HVCN1: variants seen among roughly 807,000 people sequenced by gnomAD.
HVCN1 encodes the protein voltage-gated hydrogen channel 1.
In HVCN1, 14 loss-of-function variants were observed where a neutral mutation model predicts 29.2. The ratio of observed to expected loss-of-function variants is 0.48; its 90% CI spans 0.32 to 0.75. The LOEUF is 0.75. Among genes scored for constraint, HVCN1 ranks in the 30% least tolerant of loss-of-function variants. The pLI is 0.04. For synonymous variants in HVCN1, 131 were observed against 133.2 expected, an observed-to-expected ratio of 0.98 and a Z score of 0.11; for missense variants, 263 against 341.8, an observed-to-expected ratio of 0.77 and a Z score of 1.82.
chr12:110,683,753 A>G (rs1258737197), intron 2 of HVCN1, among the ~76,000 whole-genome samples: 1 of 152,084 alleles, frequency 6.6e-6, no homozygotes, highest in Non-Finnish European at 1.5e-5. Flanking sequence ...TCTACTAAAA[A>G]TACAAAAATT....
At chr12:110,693,387 A>G (rs142080176), upstream of HVCN1, among the ~76,000 whole-genome samples, 1,606 of 152,154 alleles carry the variant, frequency 0.011, 15 homozygotes, top group Non-Finnish European at 0.018. Context: ...CTACTAAAAA[A>G]TACAAAATTA....
At chr12:110,652,874 GGGAAAAATGCCCCT>G (rs1316124571) in intron 5 of HVCN1, among the ~76,000 whole-genome samples, 7 of 152,286 alleles carry the variant, frequency 4.6e-5, no homozygotes, top group South Asian at 2.1e-4. Context: ...CCACTGCAAC[GGGAAAAATGCCCCT>G]GGCCAGTGGA....
intron 5 of HVCN1, among the ~76,000 whole-genome samples, chr12:110,651,826 T>C (rs1339964592): frequency 6.6e-6 from 1 of 152,214 alleles, no homozygotes; most frequent in African/African-American, 2.4e-5. Context: ...TAGAAGTTAC[T>C]CTTGAAATGA....
At chr12:110,664,770 C>A (rs1407414550) in intron 3 of HVCN1, among the ~76,000 whole-genome samples, 1 of 152,026 alleles carries the variant, frequency 6.6e-6, no homozygotes, top group Non-Finnish European at 1.5e-5. Context: ...AGGAGGAGAC[C>A]CCAAAATATG....
intron 3 of HVCN1, among the ~76,000 whole-genome samples, chr12:110,668,172 C>T (rs1239444026): frequency 6.6e-6 from 1 of 152,092 alleles, no homozygotes; most frequent in African/African-American, 2.4e-5. Context: ...AGAGCAGCCC[C>T]CAGCTCTGGA....
chr12:110,663,763 C>T (rs1480497404), intron 3 of HVCN1, among the ~76,000 whole-genome samples: 5 of 152,108 alleles, frequency 3.3e-5, no homozygotes, highest in Non-Finnish European at 7.4e-5. Flanking sequence ...CACTCGGCAG[C>T]ACTGAATACA....
rs545310362 is a variant in HVCN1, at chr12:110,658,807, C to T, written c.306+2357G>A. 1.2e-4 allele frequency among the ~76,000 whole-genome samples: 19 copies of T among 152,376 alleles called. No individual in the cohort carries two copies. Among genetic ancestry groups the T allele is most frequent in the African/African-American group, 4.1e-4 (17 of 41,586 alleles). ...TGTCTGCCACATTTGTCACTGTACA[C>T]AGCAGGTGCTCAATAAGTGACTGTT... On this transcript the variant is annotated intron_variant, in intron 4 of 7. Coordinates refer to ENST00000242607, the MANE Select transcript of HVCN1 (RefSeq NM_032369.4). This position sits in a 1 kb window ranked among gnomAD's most constrained non-coding sequence, Gnocchi z 5.0.
At chr12:110,654,899 C>T (rs1437080917) in intron 5 of HVCN1, among the ~76,000 whole-genome samples, 1 of 152,074 alleles carries the variant, frequency 6.6e-6, no homozygotes. Context: ...AACAGCAGAT[C>T]CCCTGATGGC....
chr12:110,703,336 C>A (rs1239439303), intron 1 of HVCN1, among the ~76,000 whole-genome samples: 1 of 151,344 alleles, frequency 6.6e-6, no homozygotes, highest in Admixed American at 6.6e-5. Flanking sequence ...CTGCAATGAG[C>A]TGTGATCCCA....
intron 4 of HVCN1, among the ~76,000 whole-genome samples, chr12:110,656,234 G>A (rs996545193): frequency 6.6e-6 from 1 of 152,204 alleles, no homozygotes; most frequent in Non-Finnish European, 1.5e-5. Context: ...CTCATAGTGG[G>A]TGAAGATGGT....
intron 3 of HVCN1, among the ~76,000 whole-genome samples, chr12:110,663,372 G>A (rs1566039284): frequency 6.6e-6 from 1 of 152,030 alleles, no homozygotes. Context: ...GGAGGCTGAG[G>A]TGGGAGGATT....
intron 3 of HVCN1, among the ~76,000 whole-genome samples, chr12:110,675,796 C>A (rs1333713576): frequency 4.6e-5 from 7 of 151,986 alleles, no homozygotes; most frequent in African/African-American, 1.5e-4. Context: ...ATAATCCCAG[C>A]TACTTGGGAG....
At chr12:110,650,408 T>C in intron 6 of HVCN1, 128 bp from the exon 7 acceptor site, 2 of 613,888 alleles carry the variant, frequency 3.3e-6, no homozygotes, top group East Asian at 3.0e-5. Context: ...GTCATCACTT[T>C]AGGGCATCAG....
At chr12:110,659,985 C>G (rs1011285525) in intron 4 of HVCN1, among the ~76,000 whole-genome samples, 1 of 149,312 alleles carries the variant, frequency 6.7e-6, no homozygotes, top group African/African-American at 2.5e-5. Context: ...ATAGCTTGAA[C>G]CCAGGAAGCA....
chr12:110,689,066 GCCCGAGCACTTACCCGGCGCCCCA>G lies in HVCN1; in HGVS notation c.-114_-104+13del, dbSNP rs1362229311. On this transcript the variant is annotated splice_donor_variant and splice_donor_5th_base_variant and 5_prime_UTR_variant and intron_variant, in exon 1 of 8. Transcript: ENST00000242607. LOFTEE classifies it low-confidence loss of function (5UTR_SPLICE). The surrounding 1 kb of genome is among the most constrained non-coding windows in gnomAD (Gnocchi z 5.7). ...CCAAACGGGGTACGCCCCCCGCCCG[GCCCGAGCACTTACCCGGCGCCCCA>G]CCCGCCCGCGGTCACCGCTGCGACT... 6.6e-6 allele frequency: 1 copy of G among 152,420 alleles called. No individual in the cohort carries two copies. Among genetic ancestry groups the G allele is most frequent in the Admixed American group, 6.6e-5 (1 of 15,260 alleles). The allele number at this position is 152,420 out of a possible 1,614,324, so 9.4% of individuals were successfully genotyped here. A position where few individuals can be genotyped will look rare whatever the true frequency, so the allele number is the denominator to read the frequency against.
intron 3 of HVCN1, among the ~76,000 whole-genome samples, chr12:110,678,811 T>C (rs1269080332): frequency 6.6e-6 from 1 of 152,144 alleles, no homozygotes; most frequent in Non-Finnish European, 1.5e-5. Context: ...GACTCACCAA[T>C]GCGTTGAGTT....
chr12:110,661,503 A>T lies in HVCN1; in HGVS notation c.22-55T>A. ...TCAGGCAGTTGGCCACTCAGAGCCC[A>T]CATGGCCCAGGCCGGGCCAGGCCAC... is the stretch of plus-strand genomic sequence containing the variant. On this transcript the variant is annotated intron_variant, in intron 3 of 7. Coordinates refer to ENST00000242607, the MANE Select transcript of HVCN1 (RefSeq NM_032369.4). The surrounding 1 kb of genome is among the most constrained non-coding windows in gnomAD (Gnocchi z 6.2). 2 of 1,575,392 alleles carry T rather than the reference A, an allele frequency of 1.3e-6. No individual in the cohort carries two copies. The highest frequency in any genetic ancestry group is 1.7e-6 in the Non-Finnish European group (2 of 1,155,586).
intron 3 of HVCN1, among the ~76,000 whole-genome samples, chr12:110,677,600 G>A (rs1008076061): frequency 2.1e-4 from 32 of 152,154 alleles, no homozygotes; most frequent in African/African-American, 7.7e-4. Flanking sequence ...TCTTCTCTGT[G>A]GGGAGGCAAG....
At chr12:110,672,705 G>A (rs891365731) in intron 3 of HVCN1, among the ~76,000 whole-genome samples, 2 of 152,138 alleles carry the variant, frequency 1.3e-5, no homozygotes, top group East Asian at 1.9e-4. Flanking sequence ...GGCACCCGGG[G>A]GAGGTAACTG....
Sources: gnomAD v4.1 joint callset for allele counts (sites outside exome capture counted in the v4.1 genomes callset) on GRCh38, gnomAD v4.1.1 for gene constraint, Gnocchi (gnomAD v3.1) non-coding constraint, MANE v1.5 for transcripts, NCBI Gene and HGNC (gene_info 2026-07-23, HGNC 2026-07-21) for gene names.